CTNNA3: variants seen among roughly 807,000 people sequenced by gnomAD.
The protein encoded by CTNNA3 is catenin alpha-3.
CTNNA3 carries 76 observed loss-of-function variants against 95.7 expected under a neutral mutation model. That is an observed-to-expected ratio of 0.79 (90% CI 0.66 to 0.96). The LOEUF is 0.96. Ranked by LOEUF, CTNNA3 falls within the 40% of genes least tolerant of loss-of-function variation. The pLI, the probability that CTNNA3 is intolerant of heterozygous loss-of-function variation, is 0.00. For synonymous variants in CTNNA3, 431 were observed against 374.4 expected (o/e 1.15, Z -1.74); for missense variants, 1,191 against 1,089.8 (o/e 1.09, Z -1.31).
chr10:67,378,901 A>T (rs1843802583), intron 5 of CTNNA3, among the ~76,000 whole-genome samples: 1 of 152,188 alleles, frequency 6.6e-6, no homozygotes, highest in South Asian at 2.1e-4. Flanking sequence ...GACTTTGGCT[A>T]GGTAACTGAA....
chr10:66,491,136 C>T (rs540325687), intron 11 of CTNNA3, among the ~76,000 whole-genome samples: 31 of 152,178 alleles, frequency 2.0e-4, no homozygotes, highest in South Asian at 4.2e-4. Context: ...CAACCATAGC[C>T]GCTGCACTTT....
chr10:66,647,505 A>ATT (rs1285932220), intron 9 of CTNNA3, among the ~76,000 whole-genome samples: 1 of 115,014 alleles, frequency 8.7e-6, no homozygotes, highest in African/African-American at 3.8e-5. Flanking sequence ...AGTTATAAAA[A>ATT]TTACTCTTTT....
At chr10:67,324,901 A>G (rs1219700149) in intron 5 of CTNNA3, among the ~76,000 whole-genome samples, 3 of 152,026 alleles carry the variant, frequency 2.0e-5, no homozygotes, top group African/African-American at 7.2e-5. Flanking sequence ...GCTATTTATT[A>G]CGGCTCAATT....
At position 66,775,507 on chromosome 10, in the gene CTNNA3, C is replaced by T; in HGVS notation, c.1065G>A (p.Arg355=). The T allele has an allele frequency of 6.2e-7, 1 of 1,609,576 alleles. No individual in the cohort carries two copies. Among genetic ancestry groups the T allele is most frequent in the Non-Finnish European group, 8.5e-7 (1 of 1,178,148 alleles). ...EYMNNAGKKE[R]SNTLNIALDN... Reference sequence around the variant, plus strand: ...CTAAAGCAATATTCAGGGTATTACTCCTTTCTTTTTTTCCAGCCTGCAAAG... The same window carrying T: ...CTAAAGCAATATTCAGGGTATTACTTCTTTCTTTTTTTCCAGCCTGCAAAG... Residue 355 remains arginine (R), a synonymous_variant, in exon 8 of 18, where the codon AGG becomes AGA. Coordinates refer to ENST00000433211, the MANE Select transcript of CTNNA3 (RefSeq NM_013266.4).
intron 3 of CTNNA3, among the ~76,000 whole-genome samples, chr10:67,549,299 G>C (rs1840945354): frequency 6.6e-6 from 1 of 152,094 alleles, no homozygotes; most frequent in Admixed American, 6.5e-5. Context: ...TCTCTCCTTG[G>C]GGGGAATATC....
intron 15 of CTNNA3, among the ~76,000 whole-genome samples, chr10:65,996,553 C>CTACA (rs1260993675): frequency 1.3e-5 from 2 of 152,128 alleles, no homozygotes; most frequent in Non-Finnish European, 2.9e-5. Flanking sequence ...TGACACTGTG[C>CTACA]TACAACTGCT....
chr10:66,049,148 A>G (rs142423833), intron 15 of CTNNA3, among the ~76,000 whole-genome samples: 1 of 152,356 alleles, frequency 6.6e-6, no homozygotes, highest in African/African-American at 2.4e-5. Context: ...ACACTTCTCA[A>G]AAGAAGACAC....
chr10:66,005,525 C>G (rs933831376), intron 15 of CTNNA3, among the ~76,000 whole-genome samples: 1 of 152,018 alleles, frequency 6.6e-6, no homozygotes, highest in Non-Finnish European at 1.5e-5. Flanking sequence ...CAATTCATAT[C>G]GAAGGTGGGT....
chr10:67,313,921 C>T (rs539188150), intron 5 of CTNNA3, among the ~76,000 whole-genome samples: 86 of 152,068 alleles, frequency 5.7e-4, no homozygotes, highest in Non-Finnish European at 1.0e-3. Flanking sequence ...TACAAGGATG[C>T]CAAACTGAGA....
At chr10:65,963,972 T>C (rs1413733819) in intron 17 of CTNNA3, among the ~76,000 whole-genome samples, 1 of 152,224 alleles carries the variant, frequency 6.6e-6, no homozygotes, top group Non-Finnish European at 1.5e-5. Context: ...CGTTCACACC[T>C]ACTTATTTTT....
At position 65,953,561 on chromosome 10, in the gene CTNNA3, G is replaced by A. The variant is rs1032866706; in HGVS notation, c.2400+13051C>T. Among the ~76,000 whole-genome samples the A allele has an allele frequency of 2.0e-5, 3 of 151,678 alleles. No homozygotes were observed. The South Asian group carries it at 6.3e-4, about 32-fold the overall frequency. On this transcript the variant is annotated intron_variant, in intron 17 of 17. Transcript: ENST00000433211. ...TCCACCCACCCCATGACAGGCCCCG[G>A]TGTGTGATGTTCCCCACCCTGTGTC...
intron 6 of CTNNA3, among the ~76,000 whole-genome samples, chr10:67,182,011 C>G (rs1360108097): frequency 3.3e-5 from 5 of 151,510 alleles, no homozygotes; most frequent in Non-Finnish European, 7.4e-5. Context: ...TCAAGGAGAA[C>G]TACAAACCAC....
At chr10:67,562,873 T>A (rs1841576721) in intron 3 of CTNNA3, among the ~76,000 whole-genome samples, 1 of 152,016 alleles carries the variant, frequency 6.6e-6, no homozygotes, top group South Asian at 2.1e-4. Context: ...AAATCATGAG[T>A]GAACTCCCAT....
intron 16 of CTNNA3, among the ~76,000 whole-genome samples, chr10:65,979,563 C>G (rs778937888): frequency 6.6e-6 from 1 of 151,992 alleles, no homozygotes; most frequent in Non-Finnish European, 1.5e-5. Flanking sequence ...GATAGCCAGC[C>G]AACTACAAGA....
chr10:67,541,457 A>C (rs1369317882), intron 3 of CTNNA3, among the ~76,000 whole-genome samples: 3 of 152,040 alleles, frequency 2.0e-5, no homozygotes, highest in Non-Finnish European at 2.9e-5. Context: ...AGTATGTCTC[A>C]TTTAGATCTC....
chr10:67,760,612 G>A (rs747903921), intron 1 of CTNNA3, among the ~76,000 whole-genome samples: 39 of 150,758 alleles, frequency 2.6e-4, no homozygotes, highest in Non-Finnish European at 5.2e-4. Context: ...GTTAGGAACC[G>A]GGCCACACAG....
At chr10:66,395,310 C>T (rs142914324) in intron 11 of CTNNA3, among the ~76,000 whole-genome samples, 354 of 152,128 alleles carry the variant, frequency 2.3e-3, no homozygotes, top group African/African-American at 8.1e-3. Context: ...TTTGTAATTG[C>T]TTCAAGGAAA....
chr10:66,431,960 G>T (rs1243517594), intron 11 of CTNNA3, among the ~76,000 whole-genome samples: 2 of 151,794 alleles, frequency 1.3e-5, no homozygotes, highest in African/African-American at 2.4e-5. Flanking sequence ...TGTTCAACCT[G>T]TTAATATCCA....
At chr10:66,854,385 G>A (rs1017742337) in intron 7 of CTNNA3, among the ~76,000 whole-genome samples, 2 of 151,998 alleles carry the variant, frequency 1.3e-5, no homozygotes, top group African/African-American at 2.4e-5. Context: ...GGTACTATGT[G>A]AAGTGTTATA....
Sources: gnomAD v4.1 joint callset for allele counts (sites outside exome capture counted in the v4.1 genomes callset) on GRCh38, gnomAD v4.1.1 for gene constraint, MANE v1.5 for transcripts, NCBI Gene and HGNC (gene_info 2026-07-23, HGNC 2026-07-21) for gene names.